ZNF704: variants seen among roughly 807,000 people sequenced by gnomAD.
The protein encoded by ZNF704 is glucocorticoid induced gene 1.
In ZNF704, 10 loss-of-function variants were observed where a neutral mutation model predicts 44.7. That is an observed-to-expected ratio of 0.22 (90% confidence interval 0.14 to 0.38). The LOEUF (loss-of-function observed/expected upper bound fraction) is 0.38. Ranked by LOEUF, ZNF704 falls within the 10% of genes least tolerant of loss-of-function variation. ZNF704 has a pLI of 1.00. For missense variants in ZNF704, 390 were observed against 545.5 expected (o/e 0.71, Z 2.84); for synonymous variants, 211 against 207.6 (o/e 1.02, Z -0.14).
At chr8:80,702,622 T>C (rs887132411) in intron 2 of ZNF704, among the ~76,000 whole-genome samples, 3 of 151,712 alleles carry the variant, frequency 2.0e-5, no homozygotes, top group Admixed American at 6.6e-5. Flanking sequence ...TGGGGACAAA[T>C]TGAGAGAAAC....
At chr8:80,750,213 C>A (rs914327522) in intron 2 of ZNF704, among the ~76,000 whole-genome samples, 1 of 152,084 alleles carries the variant, frequency 6.6e-6, no homozygotes, top group East Asian at 1.9e-4. Context: ...GCAATGACTG[C>A]CAACTTGTGT....
At position 80,723,864 on chromosome 8, in the gene ZNF704, G is replaced by A. The variant is rs1289396307; in HGVS notation, c.222-30757C>T. 7.4e-4 allele frequency among the ~76,000 whole-genome samples: 113 copies of A among 152,182 alleles called. 1 individual carries two copies. Among genetic ancestry groups the A allele is most frequent in the Non-Finnish European group, 8.8e-5 (6 of 68,040 alleles). On this transcript the variant is annotated intron_variant, in intron 2 of 8. Coordinates refer to ENST00000327835, the MANE Select transcript of ZNF704 (RefSeq NM_001033723.3). ...AGAATGGAAAACACTGGTTAATCCA[G>A]GGAGCCGACTGATAGATGTTCAACT...
At chr8:80,703,963 T>G (rs1818856144) in intron 2 of ZNF704, among the ~76,000 whole-genome samples, 1 of 152,190 alleles carries the variant, frequency 6.6e-6, no homozygotes, top group South Asian at 2.1e-4. Flanking sequence ...GGAAGACAAT[T>G]CCTCAAAAAT....
chr8:80,812,365 CA>C (rs1808101752), intron 2 of ZNF704: 2 of 181,030 alleles, frequency 1.1e-5, no homozygotes, highest in African/African-American at 4.7e-5. Context: ...AGTTTTTTCG[CA>C]ACATCATCAA....
intron 2 of ZNF704, among the ~76,000 whole-genome samples, chr8:80,760,196 A>C (rs1366909241): frequency 6.6e-6 from 1 of 152,140 alleles, no homozygotes; most frequent in Non-Finnish European, 1.5e-5. Flanking sequence ...ATTTGTGGAA[A>C]TTTGTTATCC....
intron 2 of ZNF704, among the ~76,000 whole-genome samples, chr8:80,784,476 G>A (rs1807583052): frequency 1.3e-5 from 2 of 152,110 alleles, no homozygotes; most frequent in Admixed American, 6.6e-5. Context: ...GGTATATAGT[G>A]ATTTCTTGTT....
rs908963977 is a variant in ZNF704, at chr8:80,635,135, G to A, written c.*6231C>T. 2.0e-5 allele frequency: 3 copies of A among 152,156 alleles called. No individual in the cohort carries two copies. Among genetic ancestry groups the A allele is most frequent in the Non-Finnish European group, 4.4e-5 (3 of 68,040 alleles). 9.4% of individuals were successfully genotyped at this position (152,156 alleles called of 1,614,324 possible). A position where few individuals can be genotyped will look rare whatever the true frequency, so the allele number is the denominator to read the frequency against. ...TGTTATCTGCATACTTGGCTAATTA[G>A]GCTAGCTTTTGGATTACTAAAATCT... On this transcript the variant is annotated 3_prime_UTR_variant, in exon 9 of 9. Transcript: ENST00000327835.
At chr8:80,647,681 G>A (rs1333657018) in intron 7 of ZNF704, among the ~76,000 whole-genome samples, 3 of 152,084 alleles carry the variant, frequency 2.0e-5, no homozygotes, top group Non-Finnish European at 4.4e-5. Flanking sequence ...GTTAGGATGG[G>A]GCACAAAGAA....
At chr8:80,665,831 A>T (rs114424564) in intron 5 of ZNF704, among the ~76,000 whole-genome samples, 8,208 of 136,928 alleles carry the variant, frequency 0.06, 566 homozygotes, top group African/African-American at 0.17. Context: ...ATTTTATTTT[A>T]TTTTTTTTTC....
chr8:80,834,904 G>T (rs1808533152), intron 1 of ZNF704, among the ~76,000 whole-genome samples: 1 of 152,206 alleles, frequency 6.6e-6, no homozygotes, highest in Non-Finnish European at 1.5e-5. Flanking sequence ...TGGTGTATAT[G>T]TGCCACATTT....
At chr8:80,679,207 G>A (rs1818414039) in intron 4 of ZNF704, among the ~76,000 whole-genome samples, 2 of 152,136 alleles carry the variant, frequency 1.3e-5, no homozygotes, top group Admixed American at 6.6e-5. Flanking sequence ...CCTTTGTAAA[G>A]TGATTTGTCT....
intron 2 of ZNF704, among the ~76,000 whole-genome samples, chr8:80,759,416 A>T (rs1415335453): frequency 6.6e-6 from 1 of 151,912 alleles, no homozygotes; most frequent in African/African-American, 2.4e-5. Flanking sequence ...CTCACCTCCT[A>T]CAGTTCATAC....
intron 2 of ZNF704, among the ~76,000 whole-genome samples, chr8:80,816,210 TC>T: frequency 6.6e-6 from 1 of 152,190 alleles, no homozygotes; most frequent in East Asian, 1.9e-4. Flanking sequence ...CTTGTCCTCC[TC>T]TGATCCATTC....
chr8:80,726,177 G>C lies in ZNF704; in HGVS notation c.222-33070C>G, dbSNP rs73254816. ...TTTATTAGTTACTTTAACCAGTACA[G>C]AACCTCTTACTTTAAAACAAATTAT... On this transcript the variant is annotated intron_variant, in intron 2 of 8. Transcript: ENST00000327835. Among the ~76,000 whole-genome samples, 715 of 152,090 alleles carry C rather than the reference G, an allele frequency of 4.7e-3. 5 individuals carry two copies. The highest frequency in any genetic ancestry group is 0.016 in the African/African-American group (656 of 41,518).
At chr8:80,678,004 A>G (rs1396693957) in intron 4 of ZNF704, among the ~76,000 whole-genome samples, 12 of 152,222 alleles carry the variant, frequency 7.9e-5, no homozygotes, top group Non-Finnish European at 7.4e-5. Context: ...GGATTGAATT[A>G]TAAGATGGTT....
chr8:80,725,902 G>T (rs888665202), intron 2 of ZNF704, among the ~76,000 whole-genome samples: 2 of 152,034 alleles, frequency 1.3e-5, no homozygotes, highest in African/African-American at 4.8e-5. Context: ...TTTTAAAAAG[G>T]AAATAGTGAA....
chr8:80,687,809 CA>C (rs1818565388), intron 3 of ZNF704, among the ~76,000 whole-genome samples: 2 of 152,172 alleles, frequency 1.3e-5, no homozygotes, highest in South Asian at 2.1e-4. Context: ...TTATCGACTA[CA>C]GTATTTCTAA....
At chr8:80,820,125 C>A (rs1015806877) in intron 2 of ZNF704, among the ~76,000 whole-genome samples, 1 of 152,208 alleles carries the variant, frequency 6.6e-6, no homozygotes, top group South Asian at 2.1e-4. Flanking sequence ...CATGCTACAG[C>A]ATTTTCTTTC....
intron 4 of ZNF704, among the ~76,000 whole-genome samples, chr8:80,684,912 T>C (rs1818510187): frequency 6.6e-6 from 1 of 152,158 alleles, no homozygotes; most frequent in Non-Finnish European, 1.5e-5. Flanking sequence ...CAAAGTAACT[T>C]TAAATTCAAA....
Sources: gnomAD v4.1 joint callset for allele counts (sites outside exome capture counted in the v4.1 genomes callset) on GRCh38, gnomAD v4.1.1 for gene constraint, MANE v1.5 for transcripts, NCBI Gene and HGNC (gene_info 2026-07-23, HGNC 2026-07-21) for gene names.